Variants in ALPK3 observed in about 807,000 individuals in gnomAD.
ALPK3 encodes alpha-protein kinase 3.
Under a neutral mutation model 140.0 loss-of-function variants are expected in ALPK3, and 102 were observed. The ratio of observed to expected loss-of-function variants is 0.73; its 90% CI spans 0.62 to 0.86. ALPK3 has a LOEUF of 0.86. Ranked by LOEUF, ALPK3 falls within the 40% of genes least tolerant of loss-of-function variation. The probability of loss-of-function intolerance (pLI) is 0.00; values close to 1 mark genes in which losing one functional copy is unlikely to be tolerated. For synonymous variants in ALPK3, 938 were observed against 898.5 expected, an observed-to-expected ratio of 1.04 and a Z score of -0.79; for missense variants, 2,254 against 2,208.2, an observed-to-expected ratio of 1.02 and a Z score of -0.42.
In ALPK3 at chr15:84,859,520, C is replaced by T. The variant is rs922194183; in HGVS notation, c.3965+130C>T. 5.9e-6 allele frequency: 8 copies of T among 1,348,708 alleles called. No individual in the cohort carries two copies. In the South Asian group the frequency reaches 1.2e-4, roughly 21 times the overall value. The allele number at this position is 1,348,708 out of a possible 1,614,324, so 83.5% of individuals were successfully genotyped here. On this transcript the variant is annotated intron_variant, in intron 7 of 13. Coordinates refer to ENST00000258888, the MANE Select transcript of ALPK3 (RefSeq NM_020778.5). Reference sequence around the variant, plus strand: ...ATAACCAGGGGAGGTCCTTTTATTCCCATAGTAGAGATGAGAAAATGGAGG... The same window carrying T: ...ATAACCAGGGGAGGTCCTTTTATTCTCATAGTAGAGATGAGAAAATGGAGG...
rs775564333 is a variant in ALPK3 at position 84,868,249 on chromosome 15, C to T, written c.4911C>T (p.Ala1637=). Residue 1637 remains alanine (A), a synonymous_variant, in exon 14 of 14, where the codon GCC becomes GCT. Coordinates refer to ENST00000258888, the MANE Select transcript of ALPK3 (RefSeq NM_020778.5). ...GPEAAHPQAK[A]KGSKSPSAGR... is the part of the protein sequence containing the mutation. The stretch of plus-strand genomic sequence containing the variant: ...AGGCGGCCCACCCCCAAGCCAAAGC[C>T]AAAGGCTCTAAGAGTCCATCTGCTG... 2 of 1,614,088 alleles carry T rather than the reference C, an allele frequency of 1.2e-6. No individual in the cohort carries two copies. The highest frequency in any genetic ancestry group is 1.3e-5 in the African/African-American group (1 of 74,926).
intron 3 of ALPK3, 26 bp downstream of exon 3, chr15:84,827,631 T>G: frequency 6.2e-7 from 1 of 1,613,220 alleles, no homozygotes; most frequent in Non-Finnish European, 8.5e-7. Context: ...GTATGCTCCA[T>G]GCCAGGGCCT....
intron 12 of ALPK3, among the ~76,000 whole-genome samples, chr15:84,867,090 T>C (rs1289303702): frequency 2.6e-5 from 4 of 151,866 alleles, no homozygotes; most frequent in African/African-American, 9.7e-5. Context: ...TCCAGAGACC[T>C]GCATGCTGTG....
intron 12 of ALPK3, 71 bp from the exon 13 acceptor site, chr15:84,867,245 CT>C: frequency 6.6e-7 from 1 of 1,518,268 alleles, no homozygotes; most frequent in Non-Finnish European, 9.0e-7. Context: ...CCCAGTATAT[CT>C]TCCTGCTGGA....
In ALPK3 at chr15:84,864,650, G is replaced by A. The variant is rs778092700; in HGVS notation, c.4708G>A (p.Val1570Ile). 6.2e-7 allele frequency: 1 copy of A among 1,614,094 alleles called. No homozygotes were observed. Among genetic ancestry groups the A allele is most frequent in the Non-Finnish European group, 8.5e-7 (1 of 1,179,934 alleles). Reference protein sequence around the residue: ...LYQWTNGSFLVTDLAGVDWKM... With the variant: ...LYQWTNGSFLITDLAGVDWKM... ...TCAGTGGACAAATGGCAGCTTCCTT[G>A]TCACAGACTTGGCAGGTACGAGGGT... Residue 1570 changes from valine to isoleucine, a missense_variant, in exon 12 of 14, where the codon GTC (valine) becomes ATC (isoleucine). Val to Ile is a conservative substitution (Grantham distance 29, BLOSUM62 3). This residue lies in a region of ALPK3 where 8 missense variants were observed against 25.5 expected (regional missense o/e 0.31). Transcript: ENST00000258888.
intron 5 of ALPK3, among the ~76,000 whole-genome samples, chr15:84,851,408 G>T (rs1236600264): frequency 6.6e-6 from 1 of 152,142 alleles, no homozygotes; most frequent in Non-Finnish European, 1.5e-5. Context: ...TCACACAAGG[G>T]TTGATTTCCT....
At chr15:84,841,078 C>T (rs1003693850) in intron 5 of ALPK3, 146 bp downstream of exon 5, 103 of 1,161,244 alleles carry the variant, frequency 8.9e-5, no homozygotes, top group Middle Eastern at 3.0e-4. Flanking sequence ...ACAGGGACCA[C>T]AGGCATGCCC....
Position 84,857,120 on chromosome 15 carries a change from G to C in ALPK3, c.2382G>C (p.Leu794=). The C allele has an allele frequency of 6.2e-7, 1 of 1,614,198 alleles. No homozygotes were observed. The highest frequency in any genetic ancestry group is 8.5e-7 in the Non-Finnish European group (1 of 1,180,034). ...RNHEQTVLGP[L]SGNLMLPAQP... ...ATGAGCAAACTGTGCTGGGTCCCCT[G>C]TCAGGGAACCTCATGCTCCCAGCAC... The change falls in exon 6 of 14, where the codon CTG becomes CTC. Residue 794 remains leucine, a synonymous_variant. Transcript: ENST00000258888.
rs561661140 is a variant in ALPK3, at chr15:84,824,476, A to G, written c.182+1108A>G. On this transcript the variant is annotated intron_variant, in intron 2 of 13. Coordinates refer to ENST00000258888, the MANE Select transcript of ALPK3 (RefSeq NM_020778.5). ...CTAGCTACAGTTTCTTCACACAGAAAAAGATTTCAGAATAGCTAACTGGTT... is the reference window on the plus strand; with the variant it reads ...CTAGCTACAGTTTCTTCACACAGAAGAAGATTTCAGAATAGCTAACTGGTT... Among the ~76,000 whole-genome samples, 7 of 152,376 alleles carry G rather than the reference A, an allele frequency of 4.6e-5. No individual in the cohort carries two copies. In the East Asian group the frequency reaches 1.3e-3, roughly 29 times the overall value.
Position 84,858,529 on chromosome 15 carries a change from C to T in ALPK3, c.3791C>T (p.Pro1264Leu), listed in dbSNP as rs1412225658. The T allele has an allele frequency of 6.3e-7, 1 of 1,587,934 alleles. No homozygotes were observed. The highest frequency in any genetic ancestry group is 8.5e-7 in the Non-Finnish European group (1 of 1,174,712). ...DEGKQETLAK[P>L]RKAKDLLKAP... ...GGCAAGCAGGAGACACTGGCCAAGC[C>T]CAGGAAAGCCAAAGACCTGCTGAAA... is the stretch of plus-strand genomic sequence containing the variant. Residue 1264 changes from proline to leucine, a missense_variant, in exon 6 of 14, where the codon CCC (proline) becomes CTC (leucine). Pro to Leu is a moderately conservative substitution (Grantham distance 98). This residue lies in a region of ALPK3 where 2,088 missense variants were observed against 2,022.9 expected (regional missense o/e 1.03). Coordinates refer to ENST00000258888, the MANE Select transcript of ALPK3 (RefSeq NM_020778.5).
At chr15:84,862,334 A>G (rs1049915383) in intron 9 of ALPK3, among the ~76,000 whole-genome samples, 4 of 152,006 alleles carry the variant, frequency 2.6e-5, no homozygotes, top group Non-Finnish European at 5.9e-5. Flanking sequence ...TGCCTTCCAC[A>G]AACACATCCT....
In ALPK3 at chr15:84,870,225, C is replaced by T. The variant is rs1428825505; in HGVS notation, c.*1769C>T. ...GCCTAACATTTCCCCTCTATGGTAA[C>T]ATCTCTGACTTCTCTACCTCCTCTG... On this transcript the variant is annotated 3_prime_UTR_variant, in exon 14 of 14. Coordinates refer to ENST00000258888, the MANE Select transcript of ALPK3 (RefSeq NM_020778.5). The T allele has an allele frequency of 2.0e-5, 3 of 151,056 alleles. No homozygotes were observed. The highest frequency in any genetic ancestry group is 4.4e-5 in the Non-Finnish European group (3 of 67,800). 9.4% of individuals were successfully genotyped at this position (151,056 alleles called of 1,614,324 possible). A position where few individuals can be genotyped will look rare whatever the true frequency, so the allele number is the denominator to read the frequency against.
chr15:84,853,272 T>C (rs1567092699), intron 5 of ALPK3, among the ~76,000 whole-genome samples: 2 of 152,210 alleles, frequency 1.3e-5, no homozygotes, highest in African/African-American at 2.4e-5. Context: ...CAGTTTTGTC[T>C]GTTAATATCC....
chr15:84,823,330 C>G lies in ALPK3; in HGVS notation c.144C>G (p.Ser48Arg). ...SYLLSVRPET[S>R]LSSNRLSHPS... is the part of the protein sequence containing the mutation. Reference sequence around the variant, plus strand: ...GATTCCATTTGCTGTTTTTGCTTAGCTTATCAAGCAACCGGTTGTCTCACC... The same window carrying G: ...GATTCCATTTGCTGTTTTTGCTTAGGTTATCAAGCAACCGGTTGTCTCACC... The change falls in exon 2 of 14, where the codon AGC becomes AGG. Residue 48 changes from serine (S) to arginine (R), a missense_variant and splice_region_variant. Coordinates refer to ENST00000258888, the MANE Select transcript of ALPK3 (RefSeq NM_020778.5). 6.2e-7 allele frequency: 1 copy of G among 1,614,204 alleles called. No individual in the cohort carries two copies. Among genetic ancestry groups the G allele is most frequent in the African/African-American group, 1.3e-5 (1 of 75,058 alleles).
At chr15:84,836,714 T>A (rs56125455) in intron 3 of ALPK3, among the ~76,000 whole-genome samples, 2,090 of 152,316 alleles carry the variant, frequency 0.014, 48 homozygotes, top group African/African-American at 0.048. Flanking sequence ...AGATATGCAG[T>A]CAGAAATAAC....
intron 1 of ALPK3, among the ~76,000 whole-genome samples, chr15:84,821,678 C>A (rs1178906357): frequency 1.3e-5 from 2 of 152,056 alleles, no homozygotes; most frequent in African/African-American, 2.4e-5. Context: ...TCTCCCCTGA[C>A]CTCTCTCCCT....
At chr15:84,847,856 C>T (rs1219401258) in intron 5 of ALPK3, among the ~76,000 whole-genome samples, 4 of 151,750 alleles carry the variant, frequency 2.6e-5, no homozygotes, top group Admixed American at 6.6e-5. Flanking sequence ...GTCATGAGTT[C>T]GAGACCAGCC....
chr15:84,844,163 G>T (rs2141559573), intron 5 of ALPK3, among the ~76,000 whole-genome samples: 1 of 152,314 alleles, frequency 6.6e-6, no homozygotes, highest in African/African-American at 2.4e-5. Flanking sequence ...GGGAGGCGGA[G>T]GTTGTGGTGA....
At chr15:84,851,826 G>A (rs1394860966) in intron 5 of ALPK3, among the ~76,000 whole-genome samples, 1 of 152,160 alleles carries the variant, frequency 6.6e-6, no homozygotes, top group African/African-American at 2.4e-5. Context: ...ATATATCCTT[G>A]TATATAAGTC....
Sources: gnomAD v4.1 joint callset for allele counts (sites outside exome capture counted in the v4.1 genomes callset) on GRCh38, gnomAD v4.1.1 for gene constraint, gnomAD v4.1.1 regional missense constraint, MANE v1.5 for transcripts, NCBI Gene and HGNC (gene_info 2026-07-23, HGNC 2026-07-21) for gene names.